Variants in TSPEAR observed in about 807,000 individuals in gnomAD.
TSPEAR encodes the protein thrombospondin type laminin G domain and EAR repeats.
A neutral mutation model predicts 71.6 loss-of-function variants in TSPEAR; 69 were observed. That is an observed-to-expected ratio of 0.96 (90% CI 0.79 to 1.18). TSPEAR has a LOEUF of 1.18. Ranked by LOEUF, TSPEAR falls within the 50% of genes most tolerant of loss-of-function variation. TSPEAR has a pLI of 0.00. For synonymous variants in TSPEAR, 402 were observed against 387.2 expected, an observed-to-expected ratio of 1.04 and a Z score of -0.45; for missense variants, 971 against 894.9, an observed-to-expected ratio of 1.09 and a Z score of -1.09.
chr21:44,592,494 G>T, intron 1 of TSPEAR: 1 of 1,601,758 alleles, frequency 6.2e-7, no homozygotes, highest in Non-Finnish European at 8.5e-7. Flanking sequence ...TGCTGGGGTT[G>T]AACTGGTGGA....
In TSPEAR at chr21:44,509,222, C is replaced by G. The variant is rs782202330; in HGVS notation, c.1731G>C (p.Lys577Asn). 6.2e-6 allele frequency: 10 copies of G among 1,614,010 alleles called. No homozygotes were observed. Among genetic ancestry groups the G allele is most frequent in the South Asian group, 3.3e-5 (3 of 91,068 alleles). ...ELNVTAQAFV[K>N]FQDILTCSAL... is the part of the protein sequence containing the mutation. ...ACCTGCAGGTGAGAATGTCCTGGAA[C>G]TTGACAAAGGCCTGCGCGGTCACGT... The change falls in exon 10 of 12, where the codon AAG (lysine) becomes AAC (asparagine). Residue 577 changes from lysine (K) to asparagine (N), a missense_variant. Physicochemically the swap from Lys to Asn is moderately conservative, Grantham distance 94 (BLOSUM62 0). Transcript: ENST00000323084.
At chr21:44,674,748 G>GACA (rs1569252559) in intron 1 of TSPEAR, among the ~76,000 whole-genome samples, 5 of 143,126 alleles carry the variant, frequency 3.5e-5, no homozygotes, top group African/African-American at 1.4e-4. Flanking sequence ...GTGTGTGTGT[G>GACA]TGTGTGTGTG....
intron 11 of TSPEAR, among the ~76,000 whole-genome samples, chr21:44,501,519 C>T (rs1047508548): frequency 4.6e-5 from 7 of 152,174 alleles, no homozygotes; most frequent in Non-Finnish European, 8.8e-5. Context: ...ATGGCGTGAA[C>T]CCAGGAGGCG....
chr21:44,529,175 G>T (rs1419477871), intron 5 of TSPEAR, among the ~76,000 whole-genome samples: 4 of 152,220 alleles, frequency 2.6e-5, no homozygotes, highest in Non-Finnish European at 5.9e-5. Flanking sequence ...CGGGGGCTCG[G>T]CTGTTCTCCA....
At chr21:44,594,642 C>CTATTGTACA (rs1980235665) in intron 1 of TSPEAR, among the ~76,000 whole-genome samples, 1 of 151,866 alleles carries the variant, frequency 6.6e-6, no homozygotes, top group South Asian at 2.1e-4. Flanking sequence ...CCTCCATAAC[C>CTATTGTACA]TATTGCACAT....
intron 2 of TSPEAR, among the ~76,000 whole-genome samples, chr21:44,541,575 A>G (rs587772418): frequency 6.6e-6 from 1 of 152,336 alleles, no homozygotes; most frequent in South Asian, 2.1e-4. Context: ...GCATTTACCA[A>G]TTTACAGACC....
chr21:44,590,725 G>C (rs1458763996), intron 1 of TSPEAR, among the ~76,000 whole-genome samples: 1 of 152,128 alleles, frequency 6.6e-6, no homozygotes, highest in East Asian at 1.9e-4. Flanking sequence ...CCCCAGTCCT[G>C]GGGGGCAGCC....
chr21:44,557,788 G>A, intron 2 of TSPEAR: 1 of 539,052 alleles, frequency 1.9e-6, no homozygotes, highest in Non-Finnish European at 3.3e-6. Flanking sequence ...AAAGACCTCT[G>A]AGAGGGCACA....
Position 44,612,331 on chromosome 21 carries a change from C to T in TSPEAR, c.83-44326G>A, listed in dbSNP as rs782719296. The stretch of plus-strand genomic sequence containing the variant: ...CCCCCTGCCTGGCCCTGGTCTGTGC[C>T]CCAGTGAGCTGTGAGCCCAGCCCCT... On this transcript the variant is annotated intron_variant, in intron 1 of 11. Transcript: ENST00000323084. This position sits in a 1 kb window ranked among gnomAD's most constrained non-coding sequence, Gnocchi z 4.1. The T allele has an allele frequency of 4.3e-6, 7 of 1,613,840 alleles. No individual in the cohort carries two copies. The highest frequency in any genetic ancestry group is 5.1e-6 in the Non-Finnish European group (6 of 1,180,014).
chr21:44,511,870 A>C (rs2145929035), intron 9 of TSPEAR, among the ~76,000 whole-genome samples: 1 of 152,344 alleles, frequency 6.6e-6, no homozygotes, highest in South Asian at 2.1e-4. Flanking sequence ...CACTGTGTAG[A>C]GAGAGCTTTA....
Position 44,681,780 on chromosome 21 carries a change from T to C in TSPEAR, c.82+29653A>G, listed in dbSNP as rs1462313533. The stretch of plus-strand genomic sequence containing the variant: ...ACCAACTGAGGACTCATCCAGGGAG[T>C]GTACAGGTGTGGCCTCATCTGCACT... On this transcript the variant is annotated intron_variant, in intron 1 of 11. Transcript: ENST00000323084. The C allele has an allele frequency of 3.8e-6, 6 of 1,559,586 alleles. No homozygotes were observed. The African/African-American group carries it at 5.4e-5, about 14-fold the overall frequency.
chr21:44,656,310 G>A (rs13052189), intron 1 of TSPEAR, among the ~76,000 whole-genome samples: 74,381 of 152,056 alleles, frequency 0.49, 18,226 homozygotes, highest in South Asian at 0.56. Context: ...ACCTGGCCTC[G>A]TCCTAGTCAA....
At position 44,609,174 on chromosome 21, in the gene TSPEAR, A is replaced by G. The variant is rs587670031; in HGVS notation, c.83-41169T>C. On this transcript the variant is annotated intron_variant, in intron 1 of 11. Transcript: ENST00000323084. Reference sequence around the variant, plus strand: ...AGGAGAGAAGGTAGAACAGCAACTAATACTTAGGGAGGAGGGACTAACAAA... The same window carrying G: ...AGGAGAGAAGGTAGAACAGCAACTAGTACTTAGGGAGGAGGGACTAACAAA... 2.6e-5 allele frequency among the ~76,000 whole-genome samples: 4 copies of G among 152,340 alleles called. No homozygotes were observed. In the East Asian group the frequency reaches 7.7e-4, roughly 29 times the overall value.
At chr21:44,676,284 C>T in intron 1 of TSPEAR, 2 of 1,235,556 alleles carry the variant, frequency 1.6e-6, no homozygotes, top group Non-Finnish European at 2.4e-6. Flanking sequence ...GGGTCAGGGA[C>T]TCTGGAGGGA....
At chr21:44,608,817 A>G (rs956352441) in intron 1 of TSPEAR, among the ~76,000 whole-genome samples, 8 of 152,270 alleles carry the variant, frequency 5.3e-5, no homozygotes, top group Non-Finnish European at 1.2e-4. Flanking sequence ...TTGTTGGTAT[A>G]TGCTAAGCCA....
chr21:44,683,032 T>A (rs1279024947), intron 1 of TSPEAR, among the ~76,000 whole-genome samples: 1 of 151,220 alleles, frequency 6.6e-6, no homozygotes, highest in Non-Finnish European at 1.5e-5. Flanking sequence ...CCCCCTCCAG[T>A]CCCCACGTCG....
Position 44,687,716 on chromosome 21 carries a change from G to A in TSPEAR, c.82+23717C>T, listed in dbSNP as rs1362707748. Among the ~76,000 whole-genome samples, 1 of 152,202 alleles carries A rather than the reference G, an allele frequency of 6.6e-6. No homozygotes were observed. The highest frequency in any genetic ancestry group is 2.4e-5 in the African/African-American group (1 of 41,442). ...GATGGGGGTCCTCTCCCAGCCAGGAGGGAAGCCAGGACCACCCTCTCCCCT... is the reference window on the plus strand; with the variant it reads ...GATGGGGGTCCTCTCCCAGCCAGGAAGGAAGCCAGGACCACCCTCTCCCCT... On this transcript the variant is annotated intron_variant, in intron 1 of 11. Coordinates refer to ENST00000323084, the MANE Select transcript of TSPEAR (RefSeq NM_144991.3). The surrounding 1 kb of genome is among the most constrained non-coding windows in gnomAD (Gnocchi z 4.4).
intron 9 of TSPEAR, among the ~76,000 whole-genome samples, chr21:44,516,830 A>T (rs2052587554): frequency 6.6e-6 from 1 of 152,122 alleles, no homozygotes; most frequent in African/African-American, 2.4e-5. Flanking sequence ...GCTGCTTTTC[A>T]ACAAGTTTCT....
chr21:44,620,039 T>TA (rs200849089), intron 1 of TSPEAR, among the ~76,000 whole-genome samples: 2,854 of 152,304 alleles, frequency 0.019, 45 homozygotes, highest in Non-Finnish European at 0.026. Context: ...AAACACAGTA[T>TA]AATCAAACTC....
Sources: gnomAD v4.1 joint callset for allele counts (sites outside exome capture counted in the v4.1 genomes callset) on GRCh38, gnomAD v4.1.1 for gene constraint, Gnocchi (gnomAD v3.1) non-coding constraint, MANE v1.5 for transcripts, NCBI Gene and HGNC (gene_info 2026-07-23, HGNC 2026-07-21) for gene names.